Variants in SLC22A25 observed in about 807,000 individuals in gnomAD.
SLC22A25 encodes the protein MGI:2442751, MGI:2385316, MGI:3042283, MGI:3645714, MGI:3605624, MGI:2442750.
SLC22A25 carries 44 observed loss-of-function variants against 45.9 expected under a neutral mutation model. The observed-to-expected ratio is 0.96, with a 90% confidence interval of 0.75 to 1.23. The LOEUF is 1.23. Among genes scored for constraint, SLC22A25 ranks in the 50% most tolerant of loss-of-function variants. The probability of loss-of-function intolerance (pLI) is 0.00; values close to 1 mark genes in which losing one functional copy is unlikely to be tolerated. For missense variants in SLC22A25, 800 were observed against 666.4 expected (o/e 1.20, Z -2.21); for synonymous variants, 283 against 238.6 (o/e 1.19, Z -1.72).
At chr11:63,238,493 C>T (rs2090199631) in intron 2 of SLC22A25, among the ~76,000 whole-genome samples, 1 of 152,054 alleles carries the variant, frequency 6.6e-6, no homozygotes, top group Non-Finnish European at 1.5e-5. Flanking sequence ...TTTGGTCTTC[C>T]CAAGAATGAA....
intron 7 of SLC22A25, among the ~76,000 whole-genome samples, chr11:63,192,149 C>T (rs574271319): frequency 6.6e-6 from 1 of 152,170 alleles, no homozygotes; most frequent in South Asian, 2.1e-4. Flanking sequence ...CAGATGAAAC[C>T]CCCTACAAGC....
intron 3 of SLC22A25, among the ~76,000 whole-genome samples, chr11:63,236,433 C>A (rs949021964): frequency 6.6e-6 from 1 of 152,194 alleles, no homozygotes; most frequent in Non-Finnish European, 1.5e-5. Context: ...GGCATAGGAA[C>A]CTCCAAGCCA....
rs2087553053 is a variant in SLC22A25 at position 63,162,569 on chromosome 11, T to C, written c.*1255A>G. Among the ~76,000 whole-genome samples the C allele has an allele frequency of 6.6e-6, 1 of 152,154 alleles. No individual in the cohort carries two copies. Among genetic ancestry groups the C allele is most frequent in the Non-Finnish European group, 1.5e-5 (1 of 68,030 alleles). ...TTTTCCACTTTTTTCATTTTTTACA[T>C]TGTAATTATTTAAGCAATTACTCTA... On this transcript the variant is annotated 3_prime_UTR_variant, in exon 12 of 12. Transcript: ENST00000306494.
rs1275178644 is a variant in SLC22A25, at chr11:63,162,667, A to T, written c.*1157T>A. Among the ~76,000 whole-genome samples, 3 of 152,192 alleles carry T rather than the reference A, an allele frequency of 2.0e-5. No individual in the cohort carries two copies. The highest frequency in any genetic ancestry group is 4.4e-5 in the Non-Finnish European group (3 of 68,026). On this transcript the variant is annotated 3_prime_UTR_variant, in exon 12 of 12. Transcript: ENST00000306494. Reference sequence around the variant, plus strand: ...ATATCCAGAAACATGTGAGATGTATATAATTATACAAATGTTCTATTATGA... The same window carrying T: ...ATATCCAGAAACATGTGAGATGTATTTAATTATACAAATGTTCTATTATGA...
intron 3 of SLC22A25, among the ~76,000 whole-genome samples, chr11:63,230,681 A>G (rs960425075): frequency 5.3e-5 from 8 of 152,222 alleles, no homozygotes; most frequent in Admixed American, 1.3e-4. Flanking sequence ...TTTAAGATCT[A>G]GGGTACATGT....
intron 7 of SLC22A25, among the ~76,000 whole-genome samples, chr11:63,206,642 C>T (rs1422175775): frequency 6.6e-6 from 1 of 152,086 alleles, no homozygotes; most frequent in Non-Finnish European, 1.5e-5. Flanking sequence ...AGAGAAAATA[C>T]AAACAATGGA....
At position 63,228,451 on chromosome 11, in the gene SLC22A25, A is replaced by G. The variant is rs1323961390; in HGVS notation, c.506+10T>C. On this transcript the variant is annotated intron_variant, in intron 5 of 11. Transcript: ENST00000306494. ...ACCCTTGAAGAGAGCTATGCTCCAT[A>G]GACACTCACCTGTCTGACAAATGGC... 2 of 1,581,810 alleles carry G rather than the reference A, an allele frequency of 1.3e-6. No individual in the cohort carries two copies. The highest frequency in any genetic ancestry group is 3.4e-5 in the Admixed American group (2 of 59,256).
rs757296214 is a variant in SLC22A25 at position 63,164,065 on chromosome 11, G to T, written c.1403C>A (p.Ala468Asp). 3 of 1,587,686 alleles carry T rather than the reference G, an allele frequency of 1.9e-6. No homozygotes were observed. The Admixed American group carries it at 5.5e-5, about 29-fold the overall frequency. Residue 468 changes from alanine to aspartate, a missense_variant, in exon 12 of 12, where the codon GCT (alanine) becomes GAT (aspartate). Ala to Asp is a moderately radical substitution (Grantham distance 126). Coordinates refer to ENST00000306494, the MANE Select transcript of SLC22A25 (RefSeq NM_199352.6). Reference sequence around the variant, plus strand: ...AGCAAAGTTTCCAGTGATTCCAGTAGCTCTTCCCCTTGGAGTAAAAACAGC... The same window carrying T: ...AGCAAAGTTTCCAGTGATTCCAGTATCTCTTCCCCTTGGAGTAAAAACAGC... ...ELIPSIIRGR[A>D]TGITGNFANI...
intron 10 of SLC22A25, among the ~76,000 whole-genome samples, chr11:63,165,393 T>C (rs1427162998): frequency 1.3e-5 from 2 of 152,212 alleles, no homozygotes; most frequent in African/African-American, 4.8e-5. Context: ...AGGTGAAGCC[T>C]GATGACAACT....
intron 9 of SLC22A25, among the ~76,000 whole-genome samples, chr11:63,178,918 C>T (rs1177466795): frequency 6.6e-6 from 1 of 151,546 alleles, no homozygotes. Flanking sequence ...TTCCTCAATG[C>T]TTTCTTCTAG....
At chr11:63,174,117 G>A (rs1189010575) in intron 9 of SLC22A25, among the ~76,000 whole-genome samples, 2 of 152,036 alleles carry the variant, frequency 1.3e-5, no homozygotes, top group East Asian at 3.9e-4. Context: ...TGTTCTCATT[G>A]TTCAACTCCC....
Position 63,236,432 on chromosome 11 carries a change from A to C in SLC22A25, c.-445+1449T>G, listed in dbSNP as rs374853067. 4.7e-4 allele frequency among the ~76,000 whole-genome samples: 71 copies of C among 152,150 alleles called. 3 individuals are homozygous for C. The highest frequency in any genetic ancestry group is 2.3e-3 in the East Asian group (12 of 5,162). On this transcript the variant is annotated intron_variant, in intron 3 of 11. Transcript: ENST00000306494. ...TGAGTGAGGCTCTATGGGCATAGGA[A>C]CCTCCAAGCCATGTGTGGGATATAA... is the stretch of plus-strand genomic sequence containing the variant.
At chr11:63,227,633 A>C (rs754296172) in intron 5 of SLC22A25, among the ~76,000 whole-genome samples, 20 of 151,938 alleles carry the variant, frequency 1.3e-4, no homozygotes, top group Non-Finnish European at 2.2e-4. Flanking sequence ...TGATGTAAGC[A>C]CTCCATTAGC....
intron 5 of SLC22A25, chr11:63,218,138 C>T: frequency 2.2e-6 from 1 of 456,352 alleles, no homozygotes; most frequent in South Asian, 1.6e-5. Context: ...CAATGCCCAC[C>T]AATGGTAGAC....
At chr11:63,201,836 C>G (rs117033948) in intron 7 of SLC22A25, among the ~76,000 whole-genome samples, 4,373 of 152,014 alleles carry the variant, frequency 0.029, 107 homozygotes, top group Non-Finnish European at 0.041. Context: ...TAAAAGTGGG[C>G]AAAGAGGGGT....
chr11:63,179,700 G>T (rs980528125), intron 9 of SLC22A25, among the ~76,000 whole-genome samples: 1 of 152,096 alleles, frequency 6.6e-6, no homozygotes, highest in Non-Finnish European at 1.5e-5. Context: ...AATTTCTTGG[G>T]CAGCTCCCTG....
intron 7 of SLC22A25, among the ~76,000 whole-genome samples, chr11:63,210,424 A>G (rs1325555053): frequency 2.0e-5 from 3 of 152,184 alleles, no homozygotes; most frequent in Admixed American, 1.3e-4. Context: ...CAGGAGAGGA[A>G]GGCCAGTCTT....
rs2087673179 is a variant in SLC22A25, at chr11:63,166,118, C to T, written c.1211G>A (p.Ser404Asn). 4 of 1,613,890 alleles carry T rather than the reference C, an allele frequency of 2.5e-6. No homozygotes were observed. The highest frequency in any genetic ancestry group is 3.4e-6 in the Non-Finnish European group (4 of 1,179,976). The change falls in exon 10 of 12, where the codon AGC (serine) becomes AAC (asparagine). Residue 404 changes from serine to asparagine, a missense_variant. Coordinates refer to ENST00000306494, the MANE Select transcript of SLC22A25 (RefSeq NM_199352.6). ...CVAPWALNHM[S>N]RRLSQMLLMF... ...GAGAAGCATCTGGCTTAGTCGACGG[C>T]TCATGTGATTCAGTGCCCAAGGTGC...
chr11:63,193,833 G>A (rs1229113097), intron 7 of SLC22A25, among the ~76,000 whole-genome samples: 1 of 152,206 alleles, frequency 6.6e-6, no homozygotes, highest in Non-Finnish European at 1.5e-5. Flanking sequence ...GACAGAAGTA[G>A]GCTTCAGAAG....
Sources: gnomAD v4.1 joint callset for allele counts (sites outside exome capture counted in the v4.1 genomes callset) on GRCh38, gnomAD v4.1.1 for gene constraint, MANE v1.5 for transcripts, NCBI Gene and HGNC (gene_info 2026-07-23, HGNC 2026-07-21) for gene names.